Variants in PLCB1 observed in about 807,000 individuals in gnomAD.
The protein encoded by PLCB1 is 1-phosphatidylinositol 4,5-bisphosphate phosphodiesterase beta-1.
A neutral mutation model predicts 161.8 loss-of-function variants in PLCB1; 46 were observed. The ratio of observed to expected loss-of-function variants is 0.28; its 90% CI spans 0.22 to 0.36. The LOEUF is 0.36. Ranked by LOEUF, PLCB1 falls within the 10% of genes least tolerant of loss-of-function variation. The pLI is 1.00. For missense variants in PLCB1, 1,016 were observed against 1,472.5 expected (o/e 0.69, Z 5.07); for synonymous variants, 517 against 503.7 (o/e 1.03, Z -0.35).
chr20:8,240,343 A>G (rs1980547483), intron 2 of PLCB1, among the ~76,000 whole-genome samples: 1 of 151,794 alleles, frequency 6.6e-6, no homozygotes. Flanking sequence ...GCAGTATTTA[A>G]TGTATGTTCA....
intron 3 of PLCB1, among the ~76,000 whole-genome samples, chr20:8,534,773 C>T (rs1366525186): frequency 1.3e-5 from 2 of 151,990 alleles, no homozygotes; most frequent in African/African-American, 4.8e-5. Context: ...GGAGCTTTTG[C>T]GGTGATGGAC....
chr20:8,309,869 A>G (rs1984314641), intron 2 of PLCB1, among the ~76,000 whole-genome samples: 1 of 152,172 alleles, frequency 6.6e-6, no homozygotes, highest in Admixed American at 6.5e-5. Context: ...ACGCTAGCCA[A>G]TTAAGGGAGT....
intron 31 of PLCB1, among the ~76,000 whole-genome samples, chr20:8,839,752 A>AT (rs368082373): frequency 6.7e-6 from 1 of 148,382 alleles, no homozygotes. Flanking sequence ...AAAAAAAAAA[A>AT]GCCTTGGCCA....
intron 31 of PLCB1, among the ~76,000 whole-genome samples, chr20:8,877,614 T>C (rs1987823775): frequency 6.6e-6 from 1 of 152,190 alleles, no homozygotes; most frequent in Non-Finnish European, 1.5e-5. Flanking sequence ...CTGTAACATC[T>C]GAGTTTGCAA....
intron 3 of PLCB1, among the ~76,000 whole-genome samples, chr20:8,586,378 C>T (rs1212820858): frequency 6.6e-6 from 1 of 151,390 alleles, no homozygotes. Flanking sequence ...GCCTAAAAAG[C>T]GTCATCTTTC....
At chr20:8,600,288 T>G (rs1010495926) in intron 3 of PLCB1, among the ~76,000 whole-genome samples, 4 of 112,876 alleles carry the variant, frequency 3.5e-5, no homozygotes, top group Non-Finnish European at 7.6e-5. Context: ...GGTGTGGATG[T>G]CCTTTCTGTT....
At chr20:8,424,126 C>T (rs1979648742) in intron 3 of PLCB1, among the ~76,000 whole-genome samples, 1 of 152,064 alleles carries the variant, frequency 6.6e-6, no homozygotes, top group Non-Finnish European at 1.5e-5. Flanking sequence ...AAAAACCTGA[C>T]ACACACACAG....
chr20:8,539,272 T>C (rs888807878), intron 3 of PLCB1, among the ~76,000 whole-genome samples: 77 of 152,348 alleles, frequency 5.1e-4, no homozygotes, highest in African/African-American at 1.8e-3. Flanking sequence ...TGCTAAGACC[T>C]AGTATCTTGA....
At chr20:8,643,181 CCTAA>C (rs1317147229) in intron 4 of PLCB1, among the ~76,000 whole-genome samples, 2 of 152,174 alleles carry the variant, frequency 1.3e-5, no homozygotes, top group Non-Finnish European at 2.9e-5. Flanking sequence ...ATTACAGCTT[CCTAA>C]CTGAGTTACC....
At chr20:8,244,381 A>G (rs1980770324) in intron 2 of PLCB1, among the ~76,000 whole-genome samples, 1 of 152,004 alleles carries the variant, frequency 6.6e-6, no homozygotes, top group African/African-American at 2.4e-5. Flanking sequence ...TATATTCACA[A>G]AATAGAATAC....
At chr20:8,208,117 A>G (rs1978626234) in intron 2 of PLCB1, among the ~76,000 whole-genome samples, 1 of 152,060 alleles carries the variant, frequency 6.6e-6, no homozygotes, top group African/African-American at 2.4e-5. Flanking sequence ...CAAAGACTAG[A>G]CAGATATTTG....
chr20:8,541,926 A>G (rs768289014), intron 3 of PLCB1, among the ~76,000 whole-genome samples: 8 of 152,202 alleles, frequency 5.3e-5, no homozygotes, highest in Non-Finnish European at 8.8e-5. Context: ...AGGTGGTTTC[A>G]GCTAGCTGCA....
intron 2 of PLCB1, among the ~76,000 whole-genome samples, chr20:8,209,607 G>A (rs960189735): frequency 3.3e-5 from 5 of 151,630 alleles, no homozygotes; most frequent in Non-Finnish European, 7.4e-5. Flanking sequence ...TTTCAATTCC[G>A]GCATCATAAT....
intron 25 of PLCB1, 39 bp from the exon 26 acceptor site, chr20:8,765,100 C>T: frequency 6.7e-7 from 1 of 1,495,186 alleles, no homozygotes; most frequent in Non-Finnish European, 9.2e-7. Flanking sequence ...GGATGTTCAG[C>T]CCTCCCATTC....
At chr20:8,849,104 A>G (rs1175545928) in intron 31 of PLCB1, among the ~76,000 whole-genome samples, 1 of 152,190 alleles carries the variant, frequency 6.6e-6, no homozygotes, top group Non-Finnish European at 1.5e-5. Context: ...TCTGCTTCTC[A>G]AAGCTCTTTC....
intron 31 of PLCB1, among the ~76,000 whole-genome samples, chr20:8,849,265 C>T (rs1039778406): frequency 7.2e-5 from 11 of 152,310 alleles, no homozygotes; most frequent in African/African-American, 2.6e-4. Context: ...GAGCTGTCTT[C>T]TGTAATCATC....
chr20:8,836,731 T>G (rs2146285218), intron 31 of PLCB1, among the ~76,000 whole-genome samples: 1 of 152,268 alleles, frequency 6.6e-6, no homozygotes, highest in East Asian at 1.9e-4. Flanking sequence ...ATATGATGCT[T>G]TTGAACATGA....
At chr20:8,879,355 T>C (rs1266889325) in intron 31 of PLCB1, among the ~76,000 whole-genome samples, 1 of 151,906 alleles carries the variant, frequency 6.6e-6, no homozygotes, top group African/African-American at 2.4e-5. Context: ...CTGAGATTCT[T>C]GGGGCCTGTT....
intron 2 of PLCB1, among the ~76,000 whole-genome samples, chr20:8,309,421 CTTG>C (rs1454685795): frequency 6.6e-6 from 1 of 152,160 alleles, no homozygotes; most frequent in African/African-American, 2.4e-5. Flanking sequence ...AAGCATTCTT[CTTG>C]TTGTTGAATA....
Sources: allele counts gnomAD v4.1 joint callset (sites outside exome capture counted in the v4.1 genomes callset), GRCh38; gene constraint gnomAD v4.1.1; transcripts MANE v1.5; gene names NCBI Gene and HGNC (gene_info 2026-07-23, HGNC 2026-07-21).